DKK2: variants seen among roughly 807,000 people sequenced by gnomAD.
DKK2 encodes the protein dickkopf Wnt signaling pathway inhibitor 2, also known as dickkopf-related protein 2.
DKK2 carries 11 observed loss-of-function variants against 28.1 expected under a neutral mutation model. That is an observed-to-expected ratio of 0.39 (90% CI 0.25 to 0.65). The LOEUF is 0.65. Among genes scored for constraint, DKK2 ranks in the 30% least tolerant of loss-of-function variants. The pLI is 0.47. For synonymous variants in DKK2, 135 were observed against 126.5 expected, an observed-to-expected ratio of 1.07 and a Z score of -0.45; for missense variants, 326 against 335.5, an observed-to-expected ratio of 0.97 and a Z score of 0.22.
intron 1 of DKK2, among the ~76,000 whole-genome samples, chr4:106,936,129 G>A (rs974154743): frequency 3.9e-5 from 6 of 152,170 alleles, no homozygotes; most frequent in African/African-American, 7.2e-5. Context: ...TGACTTTGAC[G>A]AGCTGAGAGA....
intron 1 of DKK2, among the ~76,000 whole-genome samples, chr4:107,019,814 G>A (rs1344431142): frequency 6.6e-6 from 1 of 151,864 alleles, no homozygotes; most frequent in Admixed American, 6.6e-5. Flanking sequence ...TCACTATAAT[G>A]TTTGCTATTG....
chr4:106,961,935 T>C (rs1578358774), intron 1 of DKK2, among the ~76,000 whole-genome samples: 1 of 152,174 alleles, frequency 6.6e-6, no homozygotes, highest in African/African-American at 2.4e-5. Flanking sequence ...ACTACTATTA[T>C]TATGCTTGTC....
At chr4:106,959,538 G>A (rs113629714) in intron 1 of DKK2, among the ~76,000 whole-genome samples, 50 of 152,086 alleles carry the variant, frequency 3.3e-4, no homozygotes, top group African/African-American at 1.1e-3. Flanking sequence ...CAGATTAAGT[G>A]TGATCTAGAC....
At chr4:106,996,730 A>C (rs1578372290) in intron 1 of DKK2, among the ~76,000 whole-genome samples, 1 of 152,224 alleles carries the variant, frequency 6.6e-6, no homozygotes, top group South Asian at 2.1e-4. Context: ...GAATACAACC[A>C]GTAGATTTAT....
chr4:107,021,177 T>G (rs1218123683), intron 1 of DKK2, among the ~76,000 whole-genome samples: 2 of 152,058 alleles, frequency 1.3e-5, no homozygotes, highest in Non-Finnish European at 2.9e-5. Flanking sequence ...TTTCAAAAAC[T>G]TATTTGGAGA....
At chr4:106,941,171 G>A (rs560782306) in intron 1 of DKK2, among the ~76,000 whole-genome samples, 14 of 151,738 alleles carry the variant, frequency 9.2e-5, no homozygotes, top group Admixed American at 4.6e-4. Context: ...GTGATTCACG[G>A]CTCCACCACA....
intron 1 of DKK2, among the ~76,000 whole-genome samples, chr4:107,022,749 G>A (rs1214495492): frequency 6.6e-6 from 1 of 152,012 alleles, no homozygotes; most frequent in Non-Finnish European, 1.5e-5. Flanking sequence ...ACAATGGACT[G>A]GATCAAGGCA....
chr4:106,984,868 G>A (rs1723092968), intron 1 of DKK2, among the ~76,000 whole-genome samples: 1 of 152,174 alleles, frequency 6.6e-6, no homozygotes, highest in South Asian at 2.1e-4. Context: ...ACACACAACA[G>A]CCTGTAATCC....
chr4:106,932,637 C>G (rs1168699853), intron 1 of DKK2, among the ~76,000 whole-genome samples: 1 of 152,112 alleles, frequency 6.6e-6, no homozygotes, highest in Non-Finnish European at 1.5e-5. Flanking sequence ...CACTTCCACT[C>G]CATGCTCAAA....
intron 1 of DKK2, among the ~76,000 whole-genome samples, chr4:107,024,968 G>C (rs1365755141): frequency 6.6e-6 from 1 of 152,180 alleles, no homozygotes; most frequent in Non-Finnish European, 1.5e-5. Context: ...AACAGACACA[G>C]ATTAATCATG....
In DKK2 at chr4:106,997,510, C is replaced by G. The variant is rs543762882; in HGVS notation, c.222+37860G>C. ...AAATATAGGAGACCACCAAGAGCAT[C>G]AACAAAACTCTATCCAGTCACCGAA... On this transcript the variant is annotated intron_variant, in intron 1 of 3. Coordinates refer to ENST00000285311, the MANE Select transcript of DKK2 (RefSeq NM_014421.3). Among the ~76,000 whole-genome samples the G allele has an allele frequency of 1.1e-4, 16 of 152,192 alleles. No individual in the cohort carries two copies. In the South Asian group the frequency reaches 3.3e-3, roughly 32 times the overall value.
At chr4:106,941,811 A>G (rs1724704019) in intron 1 of DKK2, among the ~76,000 whole-genome samples, 1 of 152,168 alleles carries the variant, frequency 6.6e-6, no homozygotes, top group Non-Finnish European at 1.5e-5. Context: ...CAGATGATTT[A>G]GTTAAAAAGC....
chr4:106,934,288 A>G (rs986180103), intron 1 of DKK2, among the ~76,000 whole-genome samples: 4 of 152,216 alleles, frequency 2.6e-5, no homozygotes, highest in Non-Finnish European at 5.9e-5. Context: ...TGCAATTTAA[A>G]GAGGAGCTAA....
chr4:107,009,688 G>A (rs2110368410), intron 1 of DKK2, among the ~76,000 whole-genome samples: 1 of 151,722 alleles, frequency 6.6e-6, no homozygotes, highest in South Asian at 2.1e-4. Context: ...GCTGGGGGAG[G>A]GCAAAGGGAC....
intron 1 of DKK2, among the ~76,000 whole-genome samples, chr4:106,958,130 G>T (rs942372893): frequency 1.3e-5 from 2 of 150,064 alleles, no homozygotes; most frequent in African/African-American, 4.9e-5. Context: ...TATTTTAAAA[G>T]TATATTATAT....
chr4:106,960,613 A>G (rs1486842535), intron 1 of DKK2, among the ~76,000 whole-genome samples: 1 of 152,210 alleles, frequency 6.6e-6, no homozygotes, highest in Non-Finnish European at 1.5e-5. Flanking sequence ...TTTGTCAACA[A>G]TAATTTATGT....
chr4:107,017,838 C>T (rs1181332425), intron 1 of DKK2, among the ~76,000 whole-genome samples: 1 of 152,012 alleles, frequency 6.6e-6, no homozygotes, highest in African/African-American at 2.4e-5. Context: ...CAGTTTTTCT[C>T]ATTTTTAAAT....
rs956603017 is a variant in DKK2 at position 107,035,605 on chromosome 4, G to A, written c.-14C>T. Reference sequence around the variant, plus strand: ...CAACGCGGCCATCTCCCGGCGAGGGGGTCCCCAGGAAGACGCAAAGCCCGG... The same window carrying A: ...CAACGCGGCCATCTCCCGGCGAGGGAGTCCCCAGGAAGACGCAAAGCCCGG... On this transcript the variant is annotated 5_prime_UTR_variant, in exon 1 of 4. Transcript: ENST00000285311. 2.5e-6 allele frequency: 4 copies of A among 1,613,092 alleles called. No individual in the cohort carries two copies. The South Asian group carries it at 4.4e-5, about 18-fold the overall frequency.
intron 1 of DKK2, among the ~76,000 whole-genome samples, chr4:106,995,608 G>GTATTTATT (rs553180593): frequency 6.6e-6 from 1 of 152,074 alleles, no homozygotes; most frequent in African/African-American, 2.4e-5. Flanking sequence ...GACCTTATGT[G>GTATTTATT]TATTTATTTA....
Sources: allele counts gnomAD v4.1 joint callset (sites outside exome capture counted in the v4.1 genomes callset), GRCh38; gene constraint gnomAD v4.1.1; transcripts MANE v1.5; gene names NCBI Gene and HGNC (gene_info 2026-07-23, HGNC 2026-07-21).